Variants in CTNNA3 observed in about 807,000 individuals in gnomAD.
The protein encoded by CTNNA3 is catenin alpha 3.
Under a neutral mutation model 95.7 loss-of-function variants are expected in CTNNA3, and 76 were observed. The ratio of observed to expected loss-of-function variants is 0.79; its 90% CI spans 0.66 to 0.96. The LOEUF is 0.96. CTNNA3 is among the 40% of genes least tolerant of loss of function. The pLI, the probability that CTNNA3 is intolerant of heterozygous loss-of-function variation, is 0.00. For synonymous variants in CTNNA3, 431 were observed against 374.4 expected (o/e 1.15, Z -1.74); for missense variants, 1,191 against 1,089.8 (o/e 1.09, Z -1.31).
chr10:67,477,349 C>T lies in CTNNA3; in HGVS notation c.579+44493G>A, dbSNP rs111957966. 7.6e-3 allele frequency among the ~76,000 whole-genome samples: 1,160 copies of T among 152,162 alleles called. 7 individuals are homozygous for T. Among genetic ancestry groups the T allele is most frequent in the Non-Finnish European group, 0.014 (944 of 67,996 alleles). ...ATGGCCCCACCCATCTTGCTCCCAC[C>T]CCACCCCCGGGGGCAAAGCAGGGAG... On this transcript the variant is annotated intron_variant, in intron 5 of 17. Transcript: ENST00000433211.
rs747131917 is a variant in CTNNA3, at chr10:66,069,366, T to C, written c.2101A>G (p.Ile701Val). The C allele has an allele frequency of 6.2e-7, 1 of 1,613,772 alleles. No homozygotes were observed. ...CACATGTTCTTGGCCAGAACAATGATGTCGTTGCTTGTATCATCCCATATC... is the reference window on the plus strand; with the variant it reads ...CACATGTTCTTGGCCAGAACAATGACGTCGTTGCTTGTATCATCCCATATC... ...IEIWDDTSNDIIVLAKNMCMI... is the reference protein window; with the variant it reads ...IEIWDDTSNDVIVLAKNMCMI... The change falls in exon 15 of 18, where the codon ATC (isoleucine) becomes GTC (valine). Residue 701 changes from isoleucine (I) to valine (V), a missense_variant. Physicochemically the swap from Ile to Val is conservative, Grantham distance 29 (BLOSUM62 3). Transcript: ENST00000433211.
intron 7 of CTNNA3, among the ~76,000 whole-genome samples, chr10:66,983,793 G>C (rs1850579230): frequency 6.6e-6 from 1 of 152,078 alleles, no homozygotes; most frequent in Non-Finnish European, 1.5e-5. Context: ...CTAAAATTTT[G>C]CTGTTAAAAT....
intron 13 of CTNNA3, among the ~76,000 whole-genome samples, chr10:66,260,868 A>G (rs1319185772): frequency 3.3e-5 from 5 of 152,080 alleles, no homozygotes; most frequent in Non-Finnish European, 5.9e-5. Flanking sequence ...TGACATAGAG[A>G]TCATTTCACC....
At chr10:66,237,411 G>T (rs892002110) in intron 13 of CTNNA3, among the ~76,000 whole-genome samples, 1 of 152,128 alleles carries the variant, frequency 6.6e-6, no homozygotes, top group East Asian at 1.9e-4. Flanking sequence ...GGCTTTACAT[G>T]ATGACGTGTA....
At chr10:67,650,138 G>A (rs1057262137) in intron 1 of CTNNA3, among the ~76,000 whole-genome samples, 2 of 152,066 alleles carry the variant, frequency 1.3e-5, no homozygotes, top group Non-Finnish European at 2.9e-5. Flanking sequence ...CACCCTGGCC[G>A]GCATTTGCAT....
intron 12 of CTNNA3, among the ~76,000 whole-genome samples, chr10:66,361,787 C>T (rs2092677859): frequency 1.3e-5 from 2 of 152,114 alleles, no homozygotes; most frequent in Admixed American, 1.3e-4. Flanking sequence ...ATCCTCCTTC[C>T]TCAGCCCCCC....
In CTNNA3 at chr10:66,840,323, A is replaced by ATC. The variant is rs71035189; in HGVS notation, c.1048-64801_1048-64800dup. On this transcript the variant is annotated intron_variant, in intron 7 of 17. Coordinates refer to ENST00000433211, the MANE Select transcript of CTNNA3 (RefSeq NM_013266.4). ...CCTGCATTTCTTCTTCCAAGAAGCC[A>ATC]TCTCTCTCTCTCTCTCTCTCTCTCT... Among the ~76,000 whole-genome samples the ATC allele has an allele frequency of 9.7e-3, 880 of 90,650 alleles. 3 individuals are homozygous for ATC. The highest frequency in any genetic ancestry group is 0.021 in the East Asian group (35 of 1,650). The allele number at this position is 90,650 out of a possible 152,430, so 59.5% of individuals were successfully genotyped here. A position where few individuals can be genotyped will look rare whatever the true frequency, so the allele number is the denominator to read the frequency against.
chr10:66,256,228 G>A (rs1452528770), intron 13 of CTNNA3, among the ~76,000 whole-genome samples: 1 of 152,244 alleles, frequency 6.6e-6, no homozygotes, highest in East Asian at 1.9e-4. Context: ...TAGACTGCTG[G>A]ACACTATGCA....
intron 7 of CTNNA3, among the ~76,000 whole-genome samples, chr10:67,152,561 T>A (rs1861132273): frequency 6.6e-6 from 1 of 152,178 alleles, no homozygotes; most frequent in Non-Finnish European, 1.5e-5. Flanking sequence ...AAGCTTATCA[T>A]AAAACTTAAG....
intron 7 of CTNNA3, among the ~76,000 whole-genome samples, chr10:67,035,302 A>G (rs185416088): frequency 2.3e-4 from 35 of 152,354 alleles, no homozygotes; most frequent in Admixed American, 2.3e-3. Flanking sequence ...AGAATTGCAT[A>G]TAACATCATC....
At chr10:67,543,783 G>C (rs1158624047) in intron 3 of CTNNA3, among the ~76,000 whole-genome samples, 2 of 152,084 alleles carry the variant, frequency 1.3e-5, no homozygotes, top group African/African-American at 2.4e-5. Context: ...AACATTCAGG[G>C]TTTGGTTTTA....
At chr10:66,816,837 A>G (rs539280371) in intron 7 of CTNNA3, among the ~76,000 whole-genome samples, 15 of 152,118 alleles carry the variant, frequency 9.9e-5, no homozygotes, top group Non-Finnish European at 2.1e-4. Flanking sequence ...TCCTCCATCT[A>G]TGATGGAATT....
intron 13 of CTNNA3, among the ~76,000 whole-genome samples, chr10:66,162,410 G>T (rs1308633786): frequency 2.0e-5 from 3 of 152,094 alleles, no homozygotes; most frequent in African/African-American, 7.2e-5. Context: ...CTTTGATGTA[G>T]TTATTCTCCC....
chr10:66,256,961 C>T (rs1369935801), intron 13 of CTNNA3, among the ~76,000 whole-genome samples: 1 of 152,144 alleles, frequency 6.6e-6, no homozygotes, highest in Admixed American at 6.5e-5. Context: ...AGAGGGTCAT[C>T]GGAAGAGCGA....
intron 9 of CTNNA3, among the ~76,000 whole-genome samples, chr10:66,725,446 A>G (rs1257097617): frequency 6.6e-6 from 1 of 152,140 alleles, no homozygotes; most frequent in African/African-American, 2.4e-5. Flanking sequence ...AAGCAGAGTC[A>G]AGGAGGTTAA....
At position 66,385,128 on chromosome 10, in the gene CTNNA3, T is replaced by C. The variant is rs183564426; in HGVS notation, c.1532-5776A>G. On this transcript the variant is annotated intron_variant, in intron 11 of 17. Transcript: ENST00000433211. ...GAAAGAGATAGAGACACAAAAACCC[T>C]TCAAAAAATCAATGAATCCAGGAGC... 5.3e-5 allele frequency among the ~76,000 whole-genome samples: 8 copies of C among 152,198 alleles called. No homozygotes were observed. The East Asian group carries it at 1.5e-3, about 29-fold the overall frequency.
intron 10 of CTNNA3, among the ~76,000 whole-genome samples, chr10:66,576,268 G>A (rs1161645159): frequency 6.6e-6 from 1 of 152,058 alleles, no homozygotes; most frequent in Non-Finnish European, 1.5e-5. Flanking sequence ...AGTCTGGGGT[G>A]GTGCCCAGGA....
intron 6 of CTNNA3, among the ~76,000 whole-genome samples, chr10:67,185,796 C>T (rs1209693314): frequency 8.6e-5 from 13 of 151,822 alleles, no homozygotes; most frequent in East Asian, 1.9e-4. Flanking sequence ...TTGAGGTGGG[C>T]GGATCACAAG....
At chr10:66,772,737 T>A (rs1840144775) in intron 8 of CTNNA3, among the ~76,000 whole-genome samples, 1 of 152,204 alleles carries the variant, frequency 6.6e-6, no homozygotes, top group South Asian at 2.1e-4. Context: ...TTCTAAGCAA[T>A]CTCTGTCATT....
Sources: gnomAD v4.1 joint callset for allele counts (sites outside exome capture counted in the v4.1 genomes callset) on GRCh38, gnomAD v4.1.1 for gene constraint, MANE v1.5 for transcripts, NCBI Gene and HGNC (gene_info 2026-07-23, HGNC 2026-07-21) for gene names.